Variants in PRDM16 observed in about 807,000 individuals in gnomAD.
PRDM16 encodes the protein PR/SET domain 16.
PRDM16 carries 23 observed loss-of-function variants against 110.6 expected under a neutral mutation model. The observed-to-expected ratio is 0.21, with a 90% CI of 0.15 to 0.29. The LOEUF (loss-of-function observed/expected upper bound fraction) is 0.29, where lower values mean the gene tolerates loss of function less well. Among genes scored for constraint, PRDM16 ranks in the 10% least tolerant of loss-of-function variants. The probability of loss-of-function intolerance (pLI) is 1.00; values close to 1 mark genes in which losing one functional copy is unlikely to be tolerated. For missense variants in PRDM16, 1,615 were observed against 1,794.3 expected, an observed-to-expected ratio of 0.90 and a Z score of 1.81; for synonymous variants, 799 against 781.8, an observed-to-expected ratio of 1.02 and a Z score of -0.37.
chr1:3,278,790 T>C (rs1346573849), intron 3 of PRDM16, among the ~76,000 whole-genome samples: 4 of 152,076 alleles, frequency 2.6e-5, no homozygotes, highest in Non-Finnish European at 4.4e-5. Flanking sequence ...TCAGAAAACC[T>C]CTGCTGCTCT....
chr1:3,264,874 A>G (rs1314587184), intron 3 of PRDM16, among the ~76,000 whole-genome samples: 1 of 152,156 alleles, frequency 6.6e-6, no homozygotes, highest in Non-Finnish European at 1.5e-5. Context: ...CTATGGAAAT[A>G]GGGTCCAAGG....
intron 16 of PRDM16, among the ~76,000 whole-genome samples, chr1:3,433,314 G>C (rs931896956): frequency 6.6e-6 from 1 of 152,252 alleles, no homozygotes; most frequent in Non-Finnish European, 1.5e-5. Context: ...GAGAATCCGG[G>C]TCTTAGTCCC....
intron 1 of PRDM16, among the ~76,000 whole-genome samples, chr1:3,174,534 A>T (rs1404726436): frequency 6.6e-6 from 1 of 152,088 alleles, no homozygotes; most frequent in Non-Finnish European, 1.5e-5. Context: ...GTGGGTCTCA[A>T]TCTGCTTCCT....
At chr1:3,113,019 G>A (rs1642831328) in intron 1 of PRDM16, among the ~76,000 whole-genome samples, 1 of 152,268 alleles carries the variant, frequency 6.6e-6, no homozygotes, top group Admixed American at 6.5e-5. Flanking sequence ...ACTGGTGCAG[G>A]GCCTGCCATG....
At chr1:3,433,111 G>A (rs1638811991) in intron 16 of PRDM16, among the ~76,000 whole-genome samples, 3 of 152,188 alleles carry the variant, frequency 2.0e-5, no homozygotes, top group South Asian at 2.1e-4. Flanking sequence ...ATCACCAGGT[G>A]GAGGAAACAG....
At chr1:3,223,800 G>A (rs573696122) in intron 2 of PRDM16, among the ~76,000 whole-genome samples, 1 of 152,254 alleles carries the variant, frequency 6.6e-6, no homozygotes. Flanking sequence ...GCGAGAACCG[G>A]GAATAACCAG....
At chr1:3,311,453 C>T (rs940348158) in intron 3 of PRDM16, among the ~76,000 whole-genome samples, 9 of 152,188 alleles carry the variant, frequency 5.9e-5, no homozygotes, top group Admixed American at 2.6e-4. Context: ...AATCTGGCCC[C>T]GCCATGAAGC....
At chr1:3,075,856 C>T (rs888560819) in intron 1 of PRDM16, among the ~76,000 whole-genome samples, 1 of 152,220 alleles carries the variant, frequency 6.6e-6, no homozygotes, top group Non-Finnish European at 1.5e-5. Flanking sequence ...GGTGCGGCGA[C>T]AGGCTCATCT....
At chr1:3,409,480 T>C (rs1283453794) in intron 8 of PRDM16, among the ~76,000 whole-genome samples, 3 of 152,030 alleles carry the variant, frequency 2.0e-5, no homozygotes, top group African/African-American at 4.8e-5. Flanking sequence ...TAAATAGATA[T>C]CGTGATGAAA....
At chr1:3,411,205 A>G (rs1643680285) in intron 8 of PRDM16, among the ~76,000 whole-genome samples, 179 bp from the exon 9 acceptor site, 2 of 152,178 alleles carry the variant, frequency 1.3e-5, no homozygotes, top group Non-Finnish European at 2.9e-5. Context: ...GCACACACGC[A>G]TGTATGCACA....
At chr1:3,335,642 C>CACACACACACA (rs1570095583) in intron 3 of PRDM16, among the ~76,000 whole-genome samples, 15 of 146,634 alleles carry the variant, frequency 1.0e-4, no homozygotes, top group South Asian at 2.2e-4. Flanking sequence ...CACACACACA[C>CACACACACACA]CCTTGGACAT....
intron 3 of PRDM16, among the ~76,000 whole-genome samples, chr1:3,248,568 G>A (rs1569922329): frequency 6.6e-6 from 1 of 152,206 alleles, no homozygotes; most frequent in Non-Finnish European, 1.5e-5. Context: ...GGCGAGGGGC[G>A]GGAGTGCAGA....
rs2500296 is a variant in PRDM16 at position 3,291,570 on chromosome 1, G to A, written c.438+47433G>A. On this transcript the variant is annotated intron_variant, in intron 3 of 16. Transcript: ENST00000270722. ...GAACTCAGAGCTCCACACTCCTCCC[G>A]CCCCTGCCCATCCCCTCTTGAAGGG... Among the ~76,000 whole-genome samples, 110 of 151,986 alleles carry A rather than the reference G, an allele frequency of 7.2e-4. 4 individuals are homozygous for A. In the South Asian group the frequency reaches 0.018, roughly 24 times the overall value.
At chr1:3,352,082 C>T (rs1642506146) in intron 3 of PRDM16, among the ~76,000 whole-genome samples, 1 of 152,192 alleles carries the variant, frequency 6.6e-6, no homozygotes, top group Non-Finnish European at 1.5e-5. Flanking sequence ...TGACTCTGGG[C>T]AGCATGACCA....
At chr1:3,173,926 G>T (rs1263399043) in intron 1 of PRDM16, among the ~76,000 whole-genome samples, 1 of 152,262 alleles carries the variant, frequency 6.6e-6, no homozygotes, top group Non-Finnish European at 1.5e-5. Context: ...GGCAAGGAGG[G>T]TCATGTGTTC....
chr1:3,371,081 A>G lies in PRDM16; in HGVS notation c.439-14071A>G, dbSNP rs541530976. On this transcript the variant is annotated intron_variant, in intron 3 of 16. Coordinates refer to ENST00000270722, the MANE Select transcript of PRDM16 (RefSeq NM_022114.4). ...CCACCCATCCACCATCCATTCAACC[A>G]TCCATCCATCCATGCATCCACTCAG... 1.1e-4 allele frequency among the ~76,000 whole-genome samples: 17 copies of G among 149,288 alleles called. 1 individual carries two copies. The South Asian group carries it at 3.4e-3, about 30-fold the overall frequency.
intron 1 of PRDM16, among the ~76,000 whole-genome samples, chr1:3,155,701 C>T (rs1643850234): frequency 6.6e-6 from 1 of 152,198 alleles, no homozygotes; most frequent in South Asian, 2.1e-4. Context: ...AATGTGCTTG[C>T]GTTTGGGGGA....
intron 1 of PRDM16, among the ~76,000 whole-genome samples, chr1:3,071,027 G>A (rs764744557): frequency 6.6e-6 from 1 of 152,264 alleles, no homozygotes; most frequent in Non-Finnish European, 1.5e-5. Flanking sequence ...CGTGGGGTGT[G>A]CGTGTGCGTG....
In PRDM16 at chr1:3,190,188, C is replaced by T. The variant is rs1039403709; in HGVS notation, c.387+3714C>T. Among the ~76,000 whole-genome samples, 3 of 151,162 alleles carry T rather than the reference C, an allele frequency of 2.0e-5. No homozygotes were observed. Among genetic ancestry groups the T allele is most frequent in the Non-Finnish European group, 2.9e-5 (2 of 67,932 alleles). On this transcript the variant is annotated intron_variant, in intron 2 of 16. Coordinates refer to ENST00000270722, the MANE Select transcript of PRDM16 (RefSeq NM_022114.4). The surrounding 1 kb of genome is among the most constrained non-coding windows in gnomAD (Gnocchi z 5.0). ...TCGTGGGGCAGCCTTACTTCAAGGTCGTGGGGCAGCGTTACTTCAAGGTCG... is the reference window on the plus strand; with the variant it reads ...TCGTGGGGCAGCCTTACTTCAAGGTTGTGGGGCAGCGTTACTTCAAGGTCG...
Sources: allele counts gnomAD v4.1 joint callset (sites outside exome capture counted in the v4.1 genomes callset), GRCh38; gene constraint gnomAD v4.1.1; non-coding constraint Gnocchi (gnomAD v3.1); transcripts MANE v1.5; gene names NCBI Gene and HGNC (gene_info 2026-07-23, HGNC 2026-07-21).